CDH8: variants seen among roughly 807,000 people sequenced by gnomAD.
CDH8 encodes the protein cadherin 8.
A neutral mutation model predicts 68.1 loss-of-function variants in CDH8; 17 were observed. The observed-to-expected ratio is 0.25, with a 90% CI of 0.17 to 0.37. The LOEUF is 0.37. Ranked by LOEUF, CDH8 falls within the 10% of genes least tolerant of loss-of-function variation. The probability of loss-of-function intolerance (pLI) is 1.00; values close to 1 mark genes in which losing one functional copy is unlikely to be tolerated. For missense variants in CDH8, 763 were observed against 999.3 expected, an observed-to-expected ratio of 0.76 and a Z score of 3.19; for synonymous variants, 372 against 365.1, an observed-to-expected ratio of 1.02 and a Z score of -0.21.
intron 2 of CDH8, among the ~76,000 whole-genome samples, chr16:61,960,055 G>GTATACACATACATATATACATATA (rs1965081124): frequency 1.2e-5 from 1 of 86,040 alleles, no homozygotes; most frequent in African/African-American, 6.1e-5. Flanking sequence ...ATGTATGTAT[G>GTATACACATACATATATACATATA]TGTGTGTGTA....
chr16:61,655,384 G>A, intron 11 of CDH8, 86 bp downstream of exon 11: 1 of 1,357,448 alleles, frequency 7.4e-7, no homozygotes, highest in Non-Finnish European at 1.0e-6. Flanking sequence ...GCTCTTGCCT[G>A]TGTAGATCAG....
chr16:61,743,897 G>GT (rs1220053519), intron 8 of CDH8, among the ~76,000 whole-genome samples: 2 of 151,930 alleles, frequency 1.3e-5, no homozygotes, highest in Admixed American at 6.6e-5. Flanking sequence ...TTTTTCATGG[G>GT]TTTTTTCCTC....
intron 8 of CDH8, among the ~76,000 whole-genome samples, chr16:61,729,722 G>T (rs553187016): frequency 1.3e-4 from 19 of 151,040 alleles, no homozygotes; most frequent in Non-Finnish European, 2.7e-4. Context: ...CTTTAATCTC[G>T]CTAAATATTC....
At chr16:61,777,820 T>C (rs1960939214) in intron 8 of CDH8, among the ~76,000 whole-genome samples, 1 of 152,142 alleles carries the variant, frequency 6.6e-6, no homozygotes, top group Non-Finnish European at 1.5e-5. Flanking sequence ...TCCTTGGACT[T>C]GGAAGGACAT....
At chr16:61,665,983 C>A (rs1963668553) in intron 10 of CDH8, among the ~76,000 whole-genome samples, 1 of 151,832 alleles carries the variant, frequency 6.6e-6, no homozygotes, top group African/African-American at 2.4e-5. Flanking sequence ...ATGGAAGATG[C>A]CAGAAATAAA....
intron 8 of CDH8, among the ~76,000 whole-genome samples, chr16:61,779,956 G>T (rs1961004491): frequency 6.6e-6 from 1 of 152,090 alleles, no homozygotes; most frequent in African/African-American, 2.4e-5. Context: ...GGTGTTTAAG[G>T]ACATATATTC....
chr16:61,986,413 A>G (rs1202346194), intron 2 of CDH8, among the ~76,000 whole-genome samples: 1 of 152,152 alleles, frequency 6.6e-6, no homozygotes, highest in East Asian at 1.9e-4. Flanking sequence ...TTCTAGGATA[A>G]TTAATCTCTG....
intron 2 of CDH8, among the ~76,000 whole-genome samples, chr16:62,013,741 G>T (rs983523606): frequency 1.3e-5 from 2 of 152,204 alleles, no homozygotes; most frequent in South Asian, 2.1e-4. Context: ...TTTGCCCAAT[G>T]CTTCCCTGTG....
chr16:61,780,821 A>G (rs1487661720), intron 8 of CDH8, among the ~76,000 whole-genome samples: 1 of 152,192 alleles, frequency 6.6e-6, no homozygotes, highest in South Asian at 2.1e-4. Flanking sequence ...TATGATTTCC[A>G]CTTCCCTTTA....
chr16:61,841,575 GA>G (rs1962684513), intron 4 of CDH8, among the ~76,000 whole-genome samples: 1 of 151,832 alleles, frequency 6.6e-6, no homozygotes, highest in Non-Finnish European at 1.5e-5. Context: ...AAAATAAATT[GA>G]AAAAATAAGT....
chr16:61,853,405 C>A (rs746335521), intron 4 of CDH8, among the ~76,000 whole-genome samples: 2 of 152,072 alleles, frequency 1.3e-5, no homozygotes, highest in Non-Finnish European at 2.9e-5. Flanking sequence ...GAAGAGCTGA[C>A]AGTGGTCAAT....
rs16963768 is a variant in CDH8, at chr16:61,653,797, C to T, written c.2211G>A (p.Thr737=). Residue 737 remains threonine, a synonymous_variant, in exon 12 of 12, where the codon ACG becomes ACA. Transcript: ENST00000577390. ...TCTGAATGGAGTCATATGGCGGGGC[C>T]GTGGGATCATTATCTGCCTCATGCA... The part of the protein sequence containing the change: ...VRLHEADNDP[T]APPYDSIQIY... 197,444 of 1,613,974 alleles carry T rather than the reference C, an allele frequency of 0.12. 13,071 individuals are homozygous for T. The highest frequency in any genetic ancestry group is 0.2 in the African/African-American group (15,197 of 74,964).
At chr16:61,754,261 T>C (rs1960252327) in intron 8 of CDH8, among the ~76,000 whole-genome samples, 2 of 152,188 alleles carry the variant, frequency 1.3e-5, no homozygotes, top group South Asian at 2.1e-4. Flanking sequence ...AATATTTTCC[T>C]GAAGGTTAAA....
chr16:61,743,998 CTT>C (rs762482195), intron 8 of CDH8, among the ~76,000 whole-genome samples: 2 of 152,078 alleles, frequency 1.3e-5, no homozygotes, highest in Non-Finnish European at 1.5e-5. Context: ...ATTTTTATAA[CTT>C]AATGCTACTG....
At chr16:61,672,756 T>G (rs938518121) in intron 10 of CDH8, among the ~76,000 whole-genome samples, 1 of 151,988 alleles carries the variant, frequency 6.6e-6, no homozygotes, top group African/African-American at 2.4e-5. Flanking sequence ...ACTAAAAATA[T>G]ATATGTTAAG....
Position 61,757,396 on chromosome 16 carries a change from TTAA to T in CDH8, c.1415-30184_1415-30182del, listed in dbSNP as rs1410760453. ...TATAATATTTAATATCTATTAATAC[TTAA>T]TGATAAAATATTATCATTTGATTTT... On this transcript the variant is annotated intron_variant, in intron 8 of 11. Coordinates refer to ENST00000577390, the MANE Select transcript of CDH8 (RefSeq NM_001796.5). Among the ~76,000 whole-genome samples the T allele has an allele frequency of 2.3e-4, 35 of 152,242 alleles. No homozygotes were observed. The Middle Eastern group carries it at 0.01, about 44-fold the overall frequency.
At chr16:61,656,866 C>T (rs1963458347) in intron 10 of CDH8, among the ~76,000 whole-genome samples, 1 of 152,084 alleles carries the variant, frequency 6.6e-6, no homozygotes, top group Admixed American at 6.6e-5. Flanking sequence ...GTCATTCATC[C>T]TCATCTCATG....
intron 4 of CDH8, among the ~76,000 whole-genome samples, chr16:61,843,242 A>AAG (rs544891189): frequency 2.6e-5 from 4 of 152,176 alleles, no homozygotes; most frequent in Admixed American, 6.5e-5. Context: ...AACAATTTTC[A>AAG]GTTACAATGG....
intron 3 of CDH8, among the ~76,000 whole-genome samples, chr16:61,895,722 T>TG (rs1963858437): frequency 6.6e-6 from 1 of 152,214 alleles, no homozygotes; most frequent in African/African-American, 2.4e-5. Flanking sequence ...AGTTAGGTCT[T>TG]GTCAAGCAAT....
Sources: allele counts gnomAD v4.1 joint callset (sites outside exome capture counted in the v4.1 genomes callset), GRCh38; gene constraint gnomAD v4.1.1; transcripts MANE v1.5; gene names NCBI Gene and HGNC (gene_info 2026-07-23, HGNC 2026-07-21).